Variants in ELOVL6 observed in about 807,000 individuals in gnomAD.
ELOVL6 encodes ELOVL fatty acid elongase 6.
Under a neutral mutation model 31.7 loss-of-function variants are expected in ELOVL6, and 8 were observed. That is an observed-to-expected ratio of 0.25 (90% CI 0.15 to 0.45). The LOEUF (loss-of-function observed/expected upper bound fraction) is 0.45, where lower values mean the gene tolerates loss of function less well. Among genes scored for constraint, ELOVL6 ranks in the 20% least tolerant of loss-of-function variants. The pLI is 1.00. For synonymous variants in ELOVL6, 101 were observed against 117.7 expected, an observed-to-expected ratio of 0.86 and a Z score of 0.92; for missense variants, 126 against 326.4, an observed-to-expected ratio of 0.39 and a Z score of 4.73.
intron 1 of ELOVL6, among the ~76,000 whole-genome samples, chr4:110,140,353 C>T (rs943478266): frequency 1.1e-4 from 17 of 152,160 alleles, no homozygotes; most frequent in African/African-American, 4.1e-4. Flanking sequence ...TTTCTATCCC[C>T]TGCTCTGCTA....
intron 1 of ELOVL6, among the ~76,000 whole-genome samples, chr4:110,133,294 T>C (rs777889443): frequency 3.9e-5 from 6 of 152,230 alleles, no homozygotes; most frequent in African/African-American, 7.2e-5. Context: ...AGTCTGTGAA[T>C]GGATCATTCA....
intron 1 of ELOVL6, among the ~76,000 whole-genome samples, chr4:110,184,870 T>C (rs1759393730): frequency 6.6e-6 from 1 of 152,176 alleles, no homozygotes. Flanking sequence ...GAATGAGAGA[T>C]GGAATCAGTT....
At chr4:110,109,423 T>C (rs972617960) in intron 1 of ELOVL6, among the ~76,000 whole-genome samples, 6 of 152,224 alleles carry the variant, frequency 3.9e-5, no homozygotes, top group East Asian at 1.9e-4. Flanking sequence ...GTCAAGCTTA[T>C]ATTTATCCTT....
In ELOVL6 at chr4:110,131,406, C is replaced by A. The variant is rs188399447; in HGVS notation, c.90-25778G>T. Among the ~76,000 whole-genome samples the A allele has an allele frequency of 9.1e-4, 138 of 152,286 alleles. 5 individuals are homozygous for A. The highest frequency in any genetic ancestry group is 7.7e-3 in the Admixed American group (117 of 15,294). On this transcript the variant is annotated intron_variant, in intron 1 of 3. Transcript: ENST00000302274. ...AGGCAGTCTTCTCTAGAAAACTAAACTGCCTCTTTTATAGACAGGGGTATT... is the reference window on the plus strand; with the variant it reads ...AGGCAGTCTTCTCTAGAAAACTAAAATGCCTCTTTTATAGACAGGGGTATT...
chr4:110,091,064 A>G (rs1156800518), intron 2 of ELOVL6, among the ~76,000 whole-genome samples: 1 of 152,258 alleles, frequency 6.6e-6, no homozygotes, highest in Non-Finnish European at 1.5e-5. Flanking sequence ...AGAAACAGAC[A>G]TAGCCAACTT....
chr4:110,054,693 A>G (rs1754929770), intron 3 of ELOVL6, among the ~76,000 whole-genome samples: 1 of 152,218 alleles, frequency 6.6e-6, no homozygotes, highest in African/African-American at 2.4e-5. Context: ...AAGAAAAACC[A>G]TATTAGAATG....
At chr4:110,113,620 GAC>G (rs1403935123) in intron 1 of ELOVL6, among the ~76,000 whole-genome samples, 1 of 152,078 alleles carries the variant, frequency 6.6e-6, no homozygotes, top group Non-Finnish European at 1.5e-5. Context: ...GTCTTATTTA[GAC>G]AAATCTCCCA....
At chr4:110,134,034 A>G (rs1304113728) in intron 1 of ELOVL6, among the ~76,000 whole-genome samples, 3 of 152,246 alleles carry the variant, frequency 2.0e-5, no homozygotes, top group Non-Finnish European at 4.4e-5. Flanking sequence ...GCTTACCGGC[A>G]TTAAAAAGGT....
chr4:110,169,717 C>A (rs1178824981), intron 1 of ELOVL6, among the ~76,000 whole-genome samples: 3 of 151,750 alleles, frequency 2.0e-5, no homozygotes, highest in Non-Finnish European at 2.9e-5. Flanking sequence ...CCTTAGGAAA[C>A]AAAAATTTTT....
intron 2 of ELOVL6, among the ~76,000 whole-genome samples, chr4:110,084,378 T>TCGC (rs1560815106): frequency 8.6e-5 from 4 of 46,662 alleles, no homozygotes; most frequent in African/African-American, 2.2e-4. Flanking sequence ...TGATATATGA[T>TCGC]ATATATCGCA....
chr4:110,171,133 C>A (rs1037172591), intron 1 of ELOVL6, among the ~76,000 whole-genome samples: 1 of 152,160 alleles, frequency 6.6e-6, no homozygotes, highest in East Asian at 1.9e-4. Flanking sequence ...GTTGGCCAGG[C>A]GCTGTGGCTC....
At chr4:110,150,604 T>G (rs575711153) in intron 1 of ELOVL6, among the ~76,000 whole-genome samples, 1 of 152,324 alleles carries the variant, frequency 6.6e-6, no homozygotes, top group South Asian at 2.1e-4. Flanking sequence ...TAAAAATGCT[T>G]AAAATTCTAA....
At chr4:110,191,211 C>T (rs1405913908) in intron 1 of ELOVL6, among the ~76,000 whole-genome samples, 1 of 151,992 alleles carries the variant, frequency 6.6e-6, no homozygotes, top group Non-Finnish European at 1.5e-5. Flanking sequence ...TTTTAAAGTT[C>T]TCAGAAACCT....
chr4:110,090,602 T>TTTTTGTTTTTTTTTTTG (rs1302403354), intron 2 of ELOVL6, among the ~76,000 whole-genome samples: 1 of 135,430 alleles, frequency 7.4e-6, no homozygotes, highest in Non-Finnish European at 1.6e-5. Flanking sequence ...TTGACTTTCT[T>TTTTTGTTTTTTTTTTTG]TTTTTTTTTT....
chr4:110,080,928 G>A lies in ELOVL6; in HGVS notation c.222-21174C>T, dbSNP rs189881977. 3.9e-5 allele frequency among the ~76,000 whole-genome samples: 6 copies of A among 152,130 alleles called. No individual in the cohort carries two copies. In the East Asian group the frequency reaches 9.7e-4, roughly 25 times the overall value. On this transcript the variant is annotated intron_variant, in intron 2 of 3. Transcript: ENST00000302274. Reference sequence around the variant, plus strand: ...ACAAAATCAATGTGCAAAAATCACAGGCATTCTTATACACCAACAACAGAC... The same window carrying A: ...ACAAAATCAATGTGCAAAAATCACAAGCATTCTTATACACCAACAACAGAC...
intron 1 of ELOVL6, among the ~76,000 whole-genome samples, chr4:110,196,401 G>A (rs961489158): frequency 7.2e-5 from 11 of 152,160 alleles, no homozygotes; most frequent in African/African-American, 2.4e-4. Context: ...GCGCGGTTCC[G>A]GCGCCCGCCG....
At chr4:110,159,592 A>G (rs1031490788) in intron 1 of ELOVL6, among the ~76,000 whole-genome samples, 24 of 152,328 alleles carry the variant, frequency 1.6e-4, no homozygotes, top group African/African-American at 5.5e-4. Flanking sequence ...ATAAATGCAT[A>G]TACTTTCTAA....
intron 1 of ELOVL6, among the ~76,000 whole-genome samples, chr4:110,185,091 C>G (rs960525259): frequency 6.6e-6 from 1 of 152,168 alleles, no homozygotes; most frequent in Non-Finnish European, 1.5e-5. Flanking sequence ...TTTTCTTACC[C>G]TACACTTTTC....
At chr4:110,169,785 T>G (rs535204513) in intron 1 of ELOVL6, among the ~76,000 whole-genome samples, 4 of 151,224 alleles carry the variant, frequency 2.6e-5, no homozygotes, top group Non-Finnish European at 5.9e-5. Context: ...TCATTTTATA[T>G]TTAGTTTTCT....
Sources: gnomAD v4.1 joint callset for allele counts (sites outside exome capture counted in the v4.1 genomes callset) on GRCh38, gnomAD v4.1.1 for gene constraint, MANE v1.5 for transcripts, NCBI Gene and HGNC (gene_info 2026-07-23, HGNC 2026-07-21) for gene names.